OTUD6B: variants seen among roughly 807,000 people sequenced by gnomAD.
OTUD6B encodes the protein OTU deubiquitinase 6B, also known as deubiquitinase OTUD6B.
In OTUD6B, 41 loss-of-function variants were observed where a neutral mutation model predicts 36.9. That is an observed-to-expected ratio of 1.11 (90% CI 0.87 to 1.44). The LOEUF (loss-of-function observed/expected upper bound fraction) is 1.44, where lower values mean the gene tolerates loss of function less well. Ranked by LOEUF, OTUD6B falls within the 40% of genes most tolerant of loss-of-function variation. OTUD6B has a pLI of 0.00. For missense variants in OTUD6B, 356 were observed against 344.8 expected (o/e 1.03, Z -0.26); for synonymous variants, 114 against 114.2 (o/e 1.00, Z 0.01).
chr8:91,084,715 A>G, intron 6 of OTUD6B, 69 bp from the exon 7 acceptor site: 1 of 1,252,176 alleles, frequency 8.0e-7, no homozygotes, highest in Admixed American at 3.5e-5. Flanking sequence ...ATATATATAT[A>G]ATAAGCATAT....
In OTUD6B at chr8:91,085,003, G is replaced by A. The variant is rs1025381782; in HGVS notation, c.*135G>A. On this transcript the variant is annotated 3_prime_UTR_variant, in exon 7 of 7. Coordinates refer to ENST00000404789, the MANE Select transcript of OTUD6B (RefSeq NM_016023.5). ...AGTTTTATGGCAAAGCTACTAACAG[G>A]TGTTTTTAGAAATATGTCAGAGATA... 1.1e-4 allele frequency: 44 copies of A among 410,966 alleles called. No homozygotes were observed. Among genetic ancestry groups the A allele is most frequent in the Non-Finnish European group, 1.9e-4 (43 of 224,420 alleles). 25.5% of individuals were successfully genotyped at this position (410,966 alleles called of 1,614,324 possible). A position where few individuals can be genotyped will look rare whatever the true frequency, so the allele number is the denominator to read the frequency against.
rs758606974 is a variant in OTUD6B at position 91,070,427 on chromosome 8, C to G, written c.43C>G (p.Leu15Val). 4.5e-5 allele frequency: 72 copies of G among 1,593,112 alleles called. No homozygotes were observed. Among genetic ancestry groups the G allele is most frequent in the Admixed American group, 7.1e-5 (4 of 56,014 alleles). Residue 15 changes from leucine (L) to valine (V), a missense_variant, in exon 1 of 7, where the codon CTG becomes GTG. Coordinates refer to ENST00000404789, the MANE Select transcript of OTUD6B (RefSeq NM_016023.5). ...CGAAGAGCTTGATGAGGAAGAGCAG[C>G]TGCTGAGAAGGCATCGCAAAGAGAA... ...LTEELDEEEQ[L>V]LRRHRKEKKE...
chr8:91,080,510 G>A, intron 4 of OTUD6B, 159 bp from the exon 5 acceptor site: 3 of 943,614 alleles, frequency 3.2e-6, no homozygotes, highest in Non-Finnish European at 3.8e-6. Context: ...AATTAAGTTT[G>A]GACCTGGGAG....
At chr8:91,070,624 C>A (rs1331132606) in intron 1 of OTUD6B, among the ~76,000 whole-genome samples, 158 bp downstream of exon 1, 4 of 152,058 alleles carry the variant, frequency 2.6e-5, no homozygotes, top group Admixed American at 2.6e-4. Flanking sequence ...ACCCCGGCGG[C>A]CCTTTAATTC....
rs762569293 is a variant in OTUD6B at position 91,070,345 on chromosome 8, C to T, written c.-40C>T. The T allele has an allele frequency of 1.2e-6, 2 of 1,613,120 alleles. No homozygotes were observed. Among genetic ancestry groups the T allele is most frequent in the East Asian group, 2.2e-5 (1 of 44,862 alleles). ...GGTGGAAGGTGCCTACTAGCCGGTG[C>T]AGGTTTCTTCTAGCGCGTGTGCTGG... On this transcript the variant is annotated 5_prime_UTR_variant, in exon 1 of 7. Coordinates refer to ENST00000404789, the MANE Select transcript of OTUD6B (RefSeq NM_016023.5).
rs2130449305 is a variant in OTUD6B at position 91,085,471 on chromosome 8, AGTT to A, written c.*607_*609del. Reference sequence around the variant, plus strand: ...AAAAATATTTATTTAGATGGGATTCAGTTGTTTAAAGAAGTGAGATAAATTCAA... The same window carrying A: ...AAAAATATTTATTTAGATGGGATTCAGTTTAAAGAAGTGAGATAAATTCAA... On this transcript the variant is annotated 3_prime_UTR_variant, in exon 7 of 7. Coordinates refer to ENST00000404789, the MANE Select transcript of OTUD6B (RefSeq NM_016023.5). 6.6e-6 allele frequency: 1 copy of A among 152,070 alleles called. No individual in the cohort carries two copies. Among genetic ancestry groups the A allele is most frequent in the South Asian group, 2.1e-4 (1 of 4,826 alleles). The allele number at this position is 152,070 out of a possible 1,614,324, so 9.4% of individuals were successfully genotyped here. A position where few individuals can be genotyped will look rare whatever the true frequency, so the allele number is the denominator to read the frequency against.
chr8:91,084,977 C>A lies in OTUD6B; in HGVS notation c.*109C>A. 1 of 454,886 alleles carries A rather than the reference C, an allele frequency of 2.2e-6. No homozygotes were observed. The allele number at this position is 454,886 out of a possible 1,614,324, so 28.2% of individuals were successfully genotyped here. ...ACTGAAAAACACAACTACCTTATATCAGTTTTATGGCAAAGCTACTAACAG... is the reference window on the plus strand; with the variant it reads ...ACTGAAAAACACAACTACCTTATATAAGTTTTATGGCAAAGCTACTAACAG... On this transcript the variant is annotated 3_prime_UTR_variant, in exon 7 of 7. Coordinates refer to ENST00000404789, the MANE Select transcript of OTUD6B (RefSeq NM_016023.5).
rs181131626 is a variant in OTUD6B, at chr8:91,075,645, A to C, written c.315+1734A>C. On this transcript the variant is annotated intron_variant, in intron 3 of 6. Coordinates refer to ENST00000404789, the MANE Select transcript of OTUD6B (RefSeq NM_016023.5). ...ATCTTTTATAGTCAGCTGCTTTAAC[A>C]CTTGGTAGAAAAAATGCCCAAGTAA... Among the ~76,000 whole-genome samples, 3 of 152,078 alleles carry C rather than the reference A, an allele frequency of 2.0e-5. No individual in the cohort carries two copies. The South Asian group carries it at 6.2e-4, about 32-fold the overall frequency.
chr8:91,083,662 C>A (rs1812949852), intron 5 of OTUD6B, among the ~76,000 whole-genome samples: 1 of 152,038 alleles, frequency 6.6e-6, no homozygotes, highest in Admixed American at 6.6e-5. Context: ...TATAAAATTA[C>A]CTTCATGGTG....
intron 3 of OTUD6B, among the ~76,000 whole-genome samples, chr8:91,075,535 T>G (rs1812786236): frequency 6.6e-6 from 1 of 152,082 alleles, no homozygotes; most frequent in Admixed American, 6.6e-5. Context: ...CCCTTACCTT[T>G]CTCAAAAATT....
intron 3 of OTUD6B, among the ~76,000 whole-genome samples, chr8:91,077,883 A>G (rs1214294273): frequency 2.0e-5 from 3 of 151,930 alleles, no homozygotes; most frequent in Non-Finnish European, 4.4e-5. Flanking sequence ...GTATGTGTAT[A>G]CAGACATTTT....
intron 2 of OTUD6B, among the ~76,000 whole-genome samples, chr8:91,073,256 T>C (rs915410607): frequency 6.6e-6 from 1 of 152,196 alleles, no homozygotes; most frequent in Non-Finnish European, 1.5e-5. Context: ...TTTTTTTTAC[T>C]CTAGCAAACA....
Position 91,085,936 on chromosome 8 carries a change from A to G in OTUD6B, c.*1068A>G, listed in dbSNP as rs1019758504. The stretch of plus-strand genomic sequence containing the variant: ...TAATGTCACCTTTCCTTCAACTCAA[A>G]TATTTGAGAAATTTTATGTTACATA... On this transcript the variant is annotated 3_prime_UTR_variant, in exon 7 of 7. Coordinates refer to ENST00000404789, the MANE Select transcript of OTUD6B (RefSeq NM_016023.5). 1.3e-5 allele frequency: 2 copies of G among 152,096 alleles called. No individual in the cohort carries two copies. Among genetic ancestry groups the G allele is most frequent in the African/African-American group, 4.8e-5 (2 of 41,434 alleles). The allele number at this position is 152,096 out of a possible 1,614,324, so 9.4% of individuals were successfully genotyped here.
intron 1 of OTUD6B, among the ~76,000 whole-genome samples, 151 bp downstream of exon 1, chr8:91,070,617 C>T (rs1812669582): frequency 1.3e-5 from 2 of 152,034 alleles, no homozygotes; most frequent in Admixed American, 6.6e-5. Flanking sequence ...TTCACCTACC[C>T]CGGCGGCCCT....
rs1479092700 is a variant in OTUD6B, at chr8:91,081,115, T to G, written c.690+385T>G. ...TAGCTCAGCTGATCAAAGTCACTAT[T>G]GGAAAAATATCTTTTTTACATCAGA... On this transcript the variant is annotated intron_variant, in intron 5 of 6. Transcript: ENST00000404789. Among the ~76,000 whole-genome samples the G allele has an allele frequency of 2.1e-5, 3 of 144,606 alleles. No homozygotes were observed. The East Asian group carries it at 6.0e-4, about 29-fold the overall frequency. 94.9% of individuals were successfully genotyped at this position (144,606 alleles called of 152,430 possible).
In OTUD6B at chr8:91,078,576, T is replaced by C. The variant is rs777772143; in HGVS notation, c.536T>C (p.Leu179Ser). 6.2e-7 allele frequency: 1 copy of C among 1,606,638 alleles called. No homozygotes were observed. The highest frequency in any genetic ancestry group is 1.1e-5 in the South Asian group (1 of 89,732). Reference sequence around the variant, plus strand: ...GATTGTGCTCTGACTGTGGTTGCCTTGAGAAGTCAGACCGCTGAGTATATG... The same window carrying C: ...GATTGTGCTCTGACTGTGGTTGCCTCGAGAAGTCAGACCGCTGAGTATATG... ...EKDCALTVVA[L>S]RSQTAEYMQS... Residue 179 changes from leucine to serine, a missense_variant, in exon 4 of 7, where the codon TTG becomes TCG. By Grantham distance (145) the Leu-to-Ser change is moderately radical. Transcript: ENST00000404789.
intron 4 of OTUD6B, among the ~76,000 whole-genome samples, chr8:91,079,935 A>C (rs968689262): frequency 6.6e-6 from 1 of 152,164 alleles, no homozygotes; most frequent in Non-Finnish European, 1.5e-5. Context: ...AGACAAACAC[A>C]TGAGACATAT....
chr8:91,077,520 T>A (rs1183443399), intron 3 of OTUD6B, among the ~76,000 whole-genome samples: 3 of 152,004 alleles, frequency 2.0e-5, no homozygotes, highest in African/African-American at 7.2e-5. Context: ...GAATTTTTTT[T>A]CCTTTCTTCT....
intron 3 of OTUD6B, among the ~76,000 whole-genome samples, chr8:91,075,914 G>A (rs772144423): frequency 1.2e-4 from 18 of 152,194 alleles, no homozygotes; most frequent in African/African-American, 3.6e-4. Flanking sequence ...TAAGAATATC[G>A]TGGAATATTG....
Sources: allele counts gnomAD v4.1 joint callset (sites outside exome capture counted in the v4.1 genomes callset), GRCh38; gene constraint gnomAD v4.1.1; transcripts MANE v1.5; gene names NCBI Gene and HGNC (gene_info 2026-07-23, HGNC 2026-07-21).